EDNRA: variants seen among roughly 807,000 people sequenced by gnomAD.
The protein encoded by EDNRA is endothelin-1 receptor.
Under a neutral mutation model 41.4 loss-of-function variants are expected in EDNRA, and 11 were observed. That is an observed-to-expected ratio of 0.27 (90% confidence interval 0.17 to 0.44). EDNRA has a LOEUF of 0.44. EDNRA is among the 20% of genes least tolerant of loss of function. The pLI is 1.00. For synonymous variants in EDNRA, 172 were observed against 183.0 expected (o/e 0.94, Z 0.49); for missense variants, 294 against 531.0 (o/e 0.55, Z 4.39).
chr4:147,500,112 G>A (rs1038803807), intron 2 of EDNRA, among the ~76,000 whole-genome samples: 2 of 152,046 alleles, frequency 1.3e-5, no homozygotes, highest in African/African-American at 4.8e-5. Context: ...GCCTCTAAAA[G>A]TCTTAAAGAT....
Position 147,544,697 on chromosome 4 carries a change from C to CT in EDNRA, c.*2086dup, listed in dbSNP as rs1201807744. On this transcript the variant is annotated 3_prime_UTR_variant, in exon 8 of 8. Coordinates refer to ENST00000651419, the MANE Select transcript of EDNRA (RefSeq NM_001957.4). ...CACACCATTTTGTTTAGACAATTGT[C>CT]TTTTTTTCAAGATGCTTTGTTTCTT... The CT allele has an allele frequency of 6.6e-6, 1 of 152,284 alleles. No homozygotes were observed. Among genetic ancestry groups the CT allele is most frequent in the Admixed American group, 6.6e-5 (1 of 15,266 alleles). The allele number at this position is 152,284 out of a possible 1,614,324, so 9.4% of individuals were successfully genotyped here.
chr4:147,492,640 A>G (rs1039705978), intron 2 of EDNRA: 9 of 147,774 alleles, frequency 6.1e-5, no homozygotes, highest in African/African-American at 2.3e-4. Flanking sequence ...ATATCAAAAT[A>G]AACATTCATA....
At chr4:147,534,939 T>C (rs192944217) in intron 4 of EDNRA, among the ~76,000 whole-genome samples, 1 of 152,334 alleles carries the variant, frequency 6.6e-6, no homozygotes. Flanking sequence ...AATAGCCATG[T>C]TATAAATGCA....
chr4:147,509,308 G>A (rs550072441), intron 2 of EDNRA, among the ~76,000 whole-genome samples: 7 of 152,286 alleles, frequency 4.6e-5, no homozygotes, highest in East Asian at 3.9e-4. Flanking sequence ...TGATTCATGC[G>A]AAAGCACCAG....
intron 3 of EDNRA, 130 bp from the exon 4 acceptor site, chr4:147,532,376 C>T: frequency 1.7e-6 from 1 of 576,816 alleles, no homozygotes; most frequent in Non-Finnish European, 3.0e-6. Context: ...TACCAAGACT[C>T]AGAAAATTCC....
intron 7 of EDNRA, among the ~76,000 whole-genome samples, chr4:147,540,845 T>C (rs1202881236): frequency 6.6e-6 from 1 of 151,874 alleles, no homozygotes; most frequent in Non-Finnish European, 1.5e-5. Flanking sequence ...CTTGACAAAA[T>C]ATAAGCTCTA....
chr4:147,484,338 C>G (rs183025761), intron 1 of EDNRA, among the ~76,000 whole-genome samples: 1 of 152,300 alleles, frequency 6.6e-6, no homozygotes, highest in Admixed American at 6.5e-5. Context: ...TCTATTGCTT[C>G]ATCTAAACTC....
Position 147,542,677 on chromosome 4 carries a change from G to A in EDNRA, c.*59G>A. 1 of 1,581,532 alleles carries A rather than the reference G, an allele frequency of 6.3e-7. No homozygotes were observed. The highest frequency in any genetic ancestry group is 8.6e-7 in the Non-Finnish European group (1 of 1,160,036). ...ATCCTCTCGGAGAAAAAAATCACAA[G>A]GCAACTGTGAGTCCGGGAATCTCTT... On this transcript the variant is annotated 3_prime_UTR_variant, in exon 8 of 8. Coordinates refer to ENST00000651419, the MANE Select transcript of EDNRA (RefSeq NM_001957.4).
chr4:147,485,152 A>G (rs1728899503), intron 1 of EDNRA, among the ~76,000 whole-genome samples: 1 of 140,010 alleles, frequency 7.1e-6, no homozygotes, highest in Non-Finnish European at 1.6e-5. Flanking sequence ...GGTTCTTATC[A>G]GCCTGAATGT....
intron 2 of EDNRA, among the ~76,000 whole-genome samples, chr4:147,508,514 T>C (rs1194483398): frequency 1.3e-5 from 2 of 152,218 alleles, no homozygotes; most frequent in East Asian, 3.8e-4. Context: ...CCTAGTGTCC[T>C]ATCTGTGAAA....
chr4:147,539,682 TA>T, intron 5 of EDNRA, 134 bp from the exon 6 acceptor site: 2 of 1,005,106 alleles, frequency 2.0e-6, no homozygotes, highest in Non-Finnish European at 2.9e-6. Flanking sequence ...AGAGGCAGTG[TA>T]AGCCAGGCTG....
chr4:147,529,151 T>C (rs1362420694), intron 3 of EDNRA, among the ~76,000 whole-genome samples: 2 of 152,146 alleles, frequency 1.3e-5, no homozygotes, highest in Non-Finnish European at 2.9e-5. Context: ...ATTGGATGTG[T>C]GGTGGAAGAG....
At chr4:147,506,208 C>T (rs545358970) in intron 2 of EDNRA, 17 of 523,282 alleles carry the variant, frequency 3.2e-5, no homozygotes, top group South Asian at 2.2e-4. Flanking sequence ...GAATGAAGAT[C>T]TTGCAAATAT....
intron 2 of EDNRA, among the ~76,000 whole-genome samples, chr4:147,497,004 A>G (rs1729322544): frequency 6.6e-6 from 1 of 152,070 alleles, no homozygotes; most frequent in African/African-American, 2.4e-5. Context: ...GTATCAACAT[A>G]GATAGCTGCA....
At chr4:147,526,468 T>A (rs1455460376) in intron 3 of EDNRA, among the ~76,000 whole-genome samples, 2 of 152,134 alleles carry the variant, frequency 1.3e-5, no homozygotes, top group African/African-American at 4.8e-5. Flanking sequence ...CTCCATGTAG[T>A]CTCAGGGTCC....
intron 2 of EDNRA, among the ~76,000 whole-genome samples, chr4:147,501,961 C>T (rs1729530861): frequency 6.6e-6 from 1 of 152,218 alleles, no homozygotes; most frequent in South Asian, 2.1e-4. Context: ...CTGTCTTGCA[C>T]TCTCATTAGC....
chr4:147,499,637 G>A (rs960639324), intron 2 of EDNRA, among the ~76,000 whole-genome samples: 2 of 151,990 alleles, frequency 1.3e-5, no homozygotes, highest in East Asian at 1.9e-4. Flanking sequence ...TCAATACATC[G>A]TCCTTTGGGT....
At chr4:147,487,398 G>C (rs1451562756) in intron 2 of EDNRA, among the ~76,000 whole-genome samples, 1 of 152,194 alleles carries the variant, frequency 6.6e-6, no homozygotes, top group Non-Finnish European at 1.5e-5. Context: ...AAATGAAATG[G>C]CCTGATCTAT....
In EDNRA at chr4:147,514,569, G is replaced by T. The variant is rs556265287; in HGVS notation, c.421-5282G>T. Among the ~76,000 whole-genome samples the T allele has an allele frequency of 2.6e-5, 4 of 152,130 alleles. No homozygotes were observed. In the South Asian group the frequency reaches 6.2e-4, roughly 24 times the overall value. Reference sequence around the variant, plus strand: ...GCTCACTGCAAACTTTGCCTCCCAGGTTCAAGTGATTCTCCTGCCTCAGCC... The same window carrying T: ...GCTCACTGCAAACTTTGCCTCCCAGTTTCAAGTGATTCTCCTGCCTCAGCC... On this transcript the variant is annotated intron_variant, in intron 2 of 7. Transcript: ENST00000651419.
Sources: allele counts gnomAD v4.1 joint callset (sites outside exome capture counted in the v4.1 genomes callset), GRCh38; gene constraint gnomAD v4.1.1; transcripts MANE v1.5; gene names NCBI Gene and HGNC (gene_info 2026-07-23, HGNC 2026-07-21).